Variants in IMMT observed in about 807,000 individuals in gnomAD.
The protein encoded by IMMT is MICOS complex subunit MIC60.
IMMT carries 40 observed loss-of-function variants against 92.7 expected under a neutral mutation model. The observed-to-expected ratio is 0.43, with a 90% CI of 0.34 to 0.56. The LOEUF is 0.56. Among genes scored for constraint, IMMT ranks in the 20% least tolerant of loss-of-function variants. IMMT has a pLI of 0.03. For missense variants in IMMT, 831 were observed against 912.1 expected (o/e 0.91, Z 1.14); for synonymous variants, 322 against 336.1 (o/e 0.96, Z 0.46).
intron 10 of IMMT, among the ~76,000 whole-genome samples, chr2:86,157,757 C>T (rs1386849690): frequency 1.4e-5 from 2 of 144,026 alleles, no homozygotes; most frequent in East Asian, 2.0e-4. Context: ...CATTGCACTC[C>T]GGCCTGGGCA....
In IMMT at chr2:86,146,091, C is replaced by G; in HGVS notation, c.1640G>C (p.Arg547Thr). 1 of 1,593,832 alleles carries G rather than the reference C, an allele frequency of 6.3e-7. No individual in the cohort carries two copies. The highest frequency in any genetic ancestry group is 8.6e-7 in the Non-Finnish European group (1 of 1,166,668). ...LDINTAYARL[R>T]GIEQAVQSHA... ...ACTCTGAACAGCCTGTTCGATTCCT[C>G]TGAGTCTGGCATAGGCAGTATTTAT... The change falls in exon 14 of 15, where the codon AGA becomes ACA. Residue 547 changes from arginine (R) to threonine (T), a missense_variant. By Grantham distance (71) the Arg-to-Thr change is moderately conservative. Coordinates refer to ENST00000410111, the MANE Select transcript of IMMT (RefSeq NM_006839.3).
At chr2:86,171,700 A>C in intron 4 of IMMT, 1 of 191,266 alleles carries the variant, frequency 5.2e-6, no homozygotes, top group South Asian at 1.1e-4. Context: ...GTTAATGATG[A>C]AGACAGACAA....
At chr2:86,149,879 CAA>C (rs548731236) in intron 12 of IMMT, among the ~76,000 whole-genome samples, 1,685 of 121,304 alleles carry the variant, frequency 0.014, 30 homozygotes, top group African/African-American at 0.048. Flanking sequence ...GACTCTGTCT[CAA>C]AAAAAAAAAA....
At chr2:86,190,561 A>G (rs1178873334) in intron 1 of IMMT, among the ~76,000 whole-genome samples, 1 of 152,224 alleles carries the variant, frequency 6.6e-6, no homozygotes, top group Non-Finnish European at 1.5e-5. Flanking sequence ...TATTGGGACT[A>G]AGAGAAGAAA....
At chr2:86,183,384 TCTC>T (rs1368571524) in intron 1 of IMMT, among the ~76,000 whole-genome samples, 2 of 152,124 alleles carry the variant, frequency 1.3e-5, no homozygotes, top group Admixed American at 1.3e-4. Context: ...CTCAACCTAT[TCTC>T]CTGCCACGGC....
intron 7 of IMMT, among the ~76,000 whole-genome samples, chr2:86,166,275 G>A (rs548770846): frequency 6.6e-6 from 1 of 152,290 alleles, no homozygotes; most frequent in East Asian, 1.9e-4. Flanking sequence ...AGGTTGCAAT[G>A]AGCCGAGATC....
At chr2:86,149,702 ACC>A (rs1465136427) in intron 12 of IMMT, among the ~76,000 whole-genome samples, 2 of 151,900 alleles carry the variant, frequency 1.3e-5, no homozygotes, top group African/African-American at 4.8e-5. Flanking sequence ...ACATGGCAAA[ACC>A]CCGTCTCTAC....
chr2:86,171,020 G>C (rs1677046354), intron 5 of IMMT, among the ~76,000 whole-genome samples, 176 bp from the exon 6 acceptor site: 1 of 152,018 alleles, frequency 6.6e-6, no homozygotes, highest in African/African-American at 2.4e-5. Context: ...GAAGAAATAG[G>C]AATCAGGCTT....
chr2:86,145,207 C>T (rs150779949), intron 14 of IMMT, among the ~76,000 whole-genome samples: 24 of 152,138 alleles, frequency 1.6e-4, no homozygotes, highest in African/African-American at 5.8e-4. Flanking sequence ...AAATGGGAGA[C>T]TTCAGGGCCA....
intron 3 of IMMT, among the ~76,000 whole-genome samples, chr2:86,178,550 C>T (rs1677606253): frequency 6.6e-6 from 1 of 150,516 alleles, no homozygotes; most frequent in Non-Finnish European, 1.5e-5. Context: ...CGCTTGAACC[C>T]AGGAGGCGGA....
At chr2:86,151,105 C>T (rs1289022830) in intron 12 of IMMT, among the ~76,000 whole-genome samples, 192 bp downstream of exon 12, 1 of 151,936 alleles carries the variant, frequency 6.6e-6, no homozygotes. Flanking sequence ...TTAGAAGAGA[C>T]GGGGGTTTCG....
chr2:86,182,728 C>G (rs1174620931), intron 1 of IMMT, among the ~76,000 whole-genome samples: 2 of 149,536 alleles, frequency 1.3e-5, no homozygotes, highest in African/African-American at 4.9e-5. Flanking sequence ...GCCTATAGTC[C>G]CAGATACTTG....
chr2:86,177,181 T>C (rs1013142409), intron 3 of IMMT, among the ~76,000 whole-genome samples: 2 of 151,918 alleles, frequency 1.3e-5, no homozygotes, highest in Non-Finnish European at 2.9e-5. Flanking sequence ...TGATCAGCTA[T>C]GTCCAGCCTC....
intron 1 of IMMT, among the ~76,000 whole-genome samples, chr2:86,185,911 A>T (rs1419303134): frequency 6.6e-6 from 1 of 152,216 alleles, no homozygotes; most frequent in East Asian, 1.9e-4. Context: ...ATTCCCAAGC[A>T]GTAGGACTGA....
At chr2:86,161,162 T>C (rs1676243169) in intron 8 of IMMT, among the ~76,000 whole-genome samples, 1 of 151,900 alleles carries the variant, frequency 6.6e-6, no homozygotes, top group Non-Finnish European at 1.5e-5. Context: ...TAATTTTATA[T>C]ATATACATTT....
intron 6 of IMMT, 150 bp downstream of exon 6, chr2:86,170,599 G>C (rs1455968977): frequency 6.9e-6 from 4 of 580,520 alleles, no homozygotes; most frequent in Non-Finnish European, 1.2e-5. Flanking sequence ...TGAAATGAAG[G>C]TGATGAATAA....
chr2:86,178,280 T>A (rs1299230777), intron 3 of IMMT, among the ~76,000 whole-genome samples: 1 of 135,414 alleles, frequency 7.4e-6, no homozygotes, highest in Non-Finnish European at 1.5e-5. Context: ...ATCAGGCCAC[T>A]GCATTCCAGC....
intron 9 of IMMT, 183 bp downstream of exon 9, chr2:86,159,353 G>A (rs1278961329): frequency 4.5e-6 from 3 of 670,468 alleles, no homozygotes; most frequent in Non-Finnish European, 8.1e-6. Context: ...CCAAAGTGCT[G>A]GGATTACAGG....
In IMMT at chr2:86,172,230, A is replaced by G. The variant is rs1294816083; in HGVS notation, c.422-885T>C. On this transcript the variant is annotated intron_variant, in intron 4 of 14. Transcript: ENST00000410111. ...AGTGATCCTCCCTCCTCGGCCTCCC[A>G]AAGTGCTGGGATTACAGGTGTGAGC... 3.9e-5 allele frequency among the ~76,000 whole-genome samples: 6 copies of G among 151,940 alleles called. No individual in the cohort carries two copies. In the East Asian group the frequency reaches 1.2e-3, roughly 29 times the overall value.
Sources: gnomAD v4.1 joint callset for allele counts (sites outside exome capture counted in the v4.1 genomes callset) on GRCh38, gnomAD v4.1.1 for gene constraint, MANE v1.5 for transcripts, NCBI Gene and HGNC (gene_info 2026-07-23, HGNC 2026-07-21) for gene names.